SMCHD1: variants seen among roughly 807,000 people sequenced by gnomAD.
SMCHD1 encodes structural maintenance of chromosomes flexible hinge domain-containing protein 1.
Under a neutral mutation model 254.7 loss-of-function variants are expected in SMCHD1, and 78 were observed. That is an observed-to-expected ratio of 0.31 (90% CI 0.26 to 0.37). The LOEUF (loss-of-function observed/expected upper bound fraction) is 0.37, where lower values mean the gene tolerates loss of function less well. Ranked by LOEUF, SMCHD1 falls within the 10% of genes least tolerant of loss-of-function variation. The pLI is 1.00. For missense variants in SMCHD1, 1,840 were observed against 2,408.1 expected (o/e 0.76, Z 4.94); for synonymous variants, 766 against 794.9 (o/e 0.96, Z 0.61).
At chr18:2,774,197 A>G (rs994629087) in intron 41 of SMCHD1, among the ~76,000 whole-genome samples, 2 of 152,172 alleles carry the variant, frequency 1.3e-5, no homozygotes, top group African/African-American at 2.4e-5. Context: ...TGACAGTATC[A>G]TGGTATTTCT....
At chr18:2,666,300 A>C in intron 2 of SMCHD1, 68 bp downstream of exon 2, 1 of 712,844 alleles carries the variant, frequency 1.4e-6, no homozygotes, top group South Asian at 2.0e-5. Flanking sequence ...TATAGCAATA[A>C]CTTTTATTAG....
chr18:2,668,521 T>A (rs1376610467), intron 3 of SMCHD1, among the ~76,000 whole-genome samples: 1 of 152,188 alleles, frequency 6.6e-6, no homozygotes, highest in African/African-American at 2.4e-5. Context: ...CTTCAGAGCT[T>A]GAATATATAA....
chr18:2,702,996 C>A (rs893798505), intron 12 of SMCHD1, among the ~76,000 whole-genome samples: 2 of 152,168 alleles, frequency 1.3e-5, no homozygotes, highest in Non-Finnish European at 2.9e-5. Flanking sequence ...TTTCTGTATT[C>A]TCTCCCAACA....
At chr18:2,729,621 G>C (rs1324277973) in intron 24 of SMCHD1, among the ~76,000 whole-genome samples, 2 of 151,702 alleles carry the variant, frequency 1.3e-5, no homozygotes, top group Non-Finnish European at 2.9e-5. Flanking sequence ...GATTTTTACA[G>C]TGTCTTTTAT....
intron 24 of SMCHD1, among the ~76,000 whole-genome samples, chr18:2,730,925 A>G (rs1257980523): frequency 6.6e-6 from 1 of 152,218 alleles, no homozygotes; most frequent in Admixed American, 6.5e-5. Context: ...TTCTTGCAAA[A>G]GATGACTATG....
At chr18:2,781,733 C>G (rs1003776112) in intron 44 of SMCHD1, among the ~76,000 whole-genome samples, 1 of 151,986 alleles carries the variant, frequency 6.6e-6, no homozygotes, top group African/African-American at 2.4e-5. Flanking sequence ...AAATTAAATA[C>G]TAACTGAACA....
intron 3 of SMCHD1, among the ~76,000 whole-genome samples, chr18:2,672,144 C>T (rs1424766116): frequency 6.6e-6 from 1 of 152,118 alleles, no homozygotes; most frequent in African/African-American, 2.4e-5. Flanking sequence ...TTTGTGGTAA[C>T]TTCTTTGCAA....
At chr18:2,726,400 C>CT (rs1201433968) in intron 21 of SMCHD1, 52 bp from the exon 22 acceptor site, 2 of 952,042 alleles carry the variant, frequency 2.1e-6, no homozygotes, top group African/African-American at 3.4e-5. Flanking sequence ...TGATAAACTA[C>CT]TTAAGTATGT....
intron 5 of SMCHD1, among the ~76,000 whole-genome samples, chr18:2,679,392 C>T (rs1196260014): frequency 8.2e-5 from 12 of 145,620 alleles, no homozygotes; most frequent in African/African-American, 2.5e-4. Flanking sequence ...AGGAGAATGG[C>T]GTGAACCCGG....
intron 36 of SMCHD1, among the ~76,000 whole-genome samples, chr18:2,763,243 CAT>C (rs1358375502): frequency 1.3e-5 from 2 of 152,192 alleles, no homozygotes; most frequent in African/African-American, 4.8e-5. Context: ...GTGAGAAACA[CAT>C]ATAGGCCTAT....
At chr18:2,673,173 A>T (rs2073657830) in intron 3 of SMCHD1, 108 bp from the exon 4 acceptor site, 1 of 1,389,898 alleles carries the variant, frequency 7.2e-7, no homozygotes, top group East Asian at 2.6e-5. Flanking sequence ...TAATACTTTA[A>T]TTCTAGCTCT....
intron 45 of SMCHD1, among the ~76,000 whole-genome samples, chr18:2,788,845 A>T (rs2076277456): frequency 6.6e-6 from 1 of 152,064 alleles, no homozygotes. Flanking sequence ...TGATCTGCCC[A>T]CTTAAGCCTC....
intron 3 of SMCHD1, among the ~76,000 whole-genome samples, chr18:2,671,446 T>C (rs2073598099): frequency 6.6e-6 from 1 of 152,156 alleles, no homozygotes; most frequent in South Asian, 2.1e-4. Context: ...ATTATATGGA[T>C]AAGCAGAAAA....
intron 32 of SMCHD1, among the ~76,000 whole-genome samples, 170 bp from the exon 33 acceptor site, chr18:2,751,108 T>C (rs1477763982): frequency 1.3e-5 from 2 of 152,142 alleles, no homozygotes; most frequent in Non-Finnish European, 2.9e-5. Context: ...CTAGTCTTTT[T>C]GGTCTTGTAT....
chr18:2,778,370 A>G (rs2076100758), intron 44 of SMCHD1, 131 bp downstream of exon 44: 1 of 596,944 alleles, frequency 1.7e-6, no homozygotes, highest in African/African-American at 1.9e-5. Context: ...TAAGCAACAT[A>G]AAAGTAGGCA....
chr18:2,673,477 A>G (rs981620829), intron 4 of SMCHD1, 114 bp downstream of exon 4: 3 of 781,696 alleles, frequency 3.8e-6, no homozygotes, highest in East Asian at 2.9e-5. Context: ...TAATTGTCAG[A>G]TATCTCTTCA....
At chr18:2,723,333 T>TTCTTGGTC (rs1274552724) in intron 20 of SMCHD1, among the ~76,000 whole-genome samples, 1 of 152,062 alleles carries the variant, frequency 6.6e-6, no homozygotes, top group African/African-American at 2.4e-5. Context: ...CAGTTGCTTG[T>TTCTTGGTC]TCTTGGTCTC....
At chr18:2,678,239 C>CTT (rs1184495025) in intron 5 of SMCHD1, among the ~76,000 whole-genome samples, 1,099 of 107,610 alleles carry the variant, frequency 0.01, 6 homozygotes, top group South Asian at 0.037. Context: ...TTCTTTCTTT[C>CTT]TTTCGTTCTT....
intron 47 of SMCHD1, among the ~76,000 whole-genome samples, chr18:2,798,334 A>G (rs980848994): frequency 1.3e-5 from 2 of 152,216 alleles, no homozygotes; most frequent in Admixed American, 1.3e-4. Context: ...TATACAGACT[A>G]TTAAGCTGAT....
Sources: allele counts gnomAD v4.1 joint callset (sites outside exome capture counted in the v4.1 genomes callset), GRCh38; gene constraint gnomAD v4.1.1; transcripts MANE v1.5; gene names NCBI Gene and HGNC (gene_info 2026-07-23, HGNC 2026-07-21).